Variants in DYNC2H1 observed in about 807,000 individuals in gnomAD.
The protein encoded by DYNC2H1 is dynein cytoplasmic 2 heavy chain 1, also known as cytoplasmic dynein 2 heavy chain 1.
Under a neutral mutation model 570.0 loss-of-function variants are expected in DYNC2H1, and 410 were observed. The observed-to-expected ratio is 0.72, with a 90% CI of 0.66 to 0.78. The LOEUF is 0.78. DYNC2H1 is among the 30% of genes least tolerant of loss of function. The pLI is 0.00. For synonymous variants in DYNC2H1, 1,688 were observed against 1,677.6 expected (o/e 1.01, Z -0.15); for missense variants, 4,865 against 5,046.4 (o/e 0.96, Z 1.09).
At chr11:103,191,990 G>T in intron 46 of DYNC2H1, 107 bp from the exon 47 acceptor site, 1 of 868,382 alleles carries the variant, frequency 1.2e-6, no homozygotes, top group African/African-American at 1.7e-5. Context: ...TTTATCTGAT[G>T]CCAAAATTAT....
At chr11:103,195,107 C>T (rs1049838952) in intron 47 of DYNC2H1, among the ~76,000 whole-genome samples, 1 of 152,160 alleles carries the variant, frequency 6.6e-6, no homozygotes, top group Non-Finnish European at 1.5e-5. Context: ...TATATTCTCC[C>T]TCTCAGTAGG....
At chr11:103,390,496 C>A (rs1005320074) in intron 83 of DYNC2H1, among the ~76,000 whole-genome samples, 11 of 152,104 alleles carry the variant, frequency 7.2e-5, no homozygotes, top group Non-Finnish European at 1.5e-4. Flanking sequence ...AGCCCATTTA[C>A]ATTTAAGGTT....
chr11:103,210,756 A>G (rs184733035), intron 53 of DYNC2H1, among the ~76,000 whole-genome samples: 52 of 152,174 alleles, frequency 3.4e-4, no homozygotes, highest in African/African-American at 1.2e-3. Flanking sequence ...CAGGCATCTT[A>G]TGAAACTATA....
At position 103,244,819 on chromosome 11, in the gene DYNC2H1, T is replaced by C. The variant is rs1864549901; in HGVS notation, c.9919-432T>C. ...ATATATAGTCATAGTTATAGACATA[T>C]AAGTAACTATATAGTTACTTTTATA... On this transcript the variant is annotated intron_variant, in intron 64 of 88. Transcript: ENST00000375735. The surrounding 1 kb of genome is among the most constrained non-coding windows in gnomAD (Gnocchi z 4.3). Among the ~76,000 whole-genome samples the C allele has an allele frequency of 6.7e-6, 1 of 150,252 alleles. No individual in the cohort carries two copies. Among genetic ancestry groups the C allele is most frequent in the Non-Finnish European group, 1.5e-5 (1 of 67,570 alleles).
rs1318062169 is a variant in DYNC2H1 at position 103,147,809 on chromosome 11, C to T, written c.2740C>T (p.Pro914Ser). Residue 914 changes from proline (P) to serine (S), a missense_variant, in exon 19 of 89, where the codon CCT (proline) becomes TCT (serine). Physicochemically the swap from Pro to Ser is moderately conservative, Grantham distance 74. This residue lies in a region of DYNC2H1 where 1,936 missense variants were observed against 1,962.1 expected (regional missense o/e 0.99). Transcript: ENST00000375735. ...AGATTGTTTAAATATTAATTGCAACCCTGTGAAGACTGTGATTGATGATCT... is the reference window on the plus strand; with the variant it reads ...AGATTGTTTAAATATTAATTGCAACTCTGTGAAGACTGTGATTGATGATCT... Reference protein sequence around the residue: ...KVDCLNINCNPVKTVIDDLIQ... With the variant: ...KVDCLNINCNSVKTVIDDLIQ... 9 of 1,610,538 alleles carry T rather than the reference C, an allele frequency of 5.6e-6. No homozygotes were observed. Among genetic ancestry groups the T allele is most frequent in the South Asian group, 4.4e-5 (4 of 90,326 alleles).
chr11:103,231,860 C>G (rs12270531), intron 60 of DYNC2H1, among the ~76,000 whole-genome samples: 26,778 of 151,694 alleles, frequency 0.18, 3,010 homozygotes, highest in African/African-American at 0.32. Flanking sequence ...TTTTCTCTCT[C>G]TGTGTGTGTG....
At chr11:103,292,735 C>T (rs1161530482) in intron 75 of DYNC2H1, among the ~76,000 whole-genome samples, 1 of 152,160 alleles carries the variant, frequency 6.6e-6, no homozygotes, top group African/African-American at 2.4e-5. Flanking sequence ...CTCTCTTGCT[C>T]CTCCTTTTGC....
At chr11:103,214,947 G>A (rs1034205542) in intron 54 of DYNC2H1, among the ~76,000 whole-genome samples, 14 of 150,820 alleles carry the variant, frequency 9.3e-5, no homozygotes, top group Admixed American at 3.3e-4. Flanking sequence ...TTTCTTTTTC[G>A]GTGAGTTCAT....
chr11:103,132,331 C>A (rs1859321528), intron 13 of DYNC2H1, among the ~76,000 whole-genome samples: 1 of 151,970 alleles, frequency 6.6e-6, no homozygotes, highest in Non-Finnish European at 1.5e-5. Context: ...TCTATATATT[C>A]CACCTCATTT....
intron 82 of DYNC2H1, among the ~76,000 whole-genome samples, chr11:103,335,335 A>G (rs2135470971): frequency 6.6e-6 from 1 of 152,182 alleles, no homozygotes; most frequent in South Asian, 2.1e-4. Context: ...AAGTTTTTAC[A>G]TAACAGAGCT....
chr11:103,351,186 T>A (rs1428818964), intron 82 of DYNC2H1, among the ~76,000 whole-genome samples: 11 of 152,150 alleles, frequency 7.2e-5, no homozygotes, highest in Non-Finnish European at 1.3e-4. Context: ...GTTCAAAATG[T>A]CCTTACTCAT....
intron 31 of DYNC2H1, among the ~76,000 whole-genome samples, chr11:103,167,169 C>A (rs963117139): frequency 7.3e-5 from 11 of 151,190 alleles, no homozygotes; most frequent in African/African-American, 2.4e-4. Flanking sequence ...TTTTTTATTC[C>A]TTTGCTGAGA....
At chr11:103,118,190 CAGT>C (rs1244469868) in intron 6 of DYNC2H1, among the ~76,000 whole-genome samples, 1 of 151,972 alleles carries the variant, frequency 6.6e-6, no homozygotes, top group Non-Finnish European at 1.5e-5. Flanking sequence ...AAGTGGTATT[CAGT>C]GGAAATATTT....
chr11:103,159,916 T>TAC lies in DYNC2H1; in HGVS notation c.4378+890_4378+891dup, dbSNP rs1392873816. 4.6e-5 allele frequency among the ~76,000 whole-genome samples: 7 copies of TAC among 152,274 alleles called. No homozygotes were observed. The East Asian group carries it at 1.4e-3, about 29-fold the overall frequency. On this transcript the variant is annotated intron_variant, in intron 28 of 88. Transcript: ENST00000375735. ...ACGGTAGTTTATGTATTGTTGTCTA[T>TAC]ACCTTTCATGCTATGAATGCAGAGT...
intron 83 of DYNC2H1, among the ~76,000 whole-genome samples, chr11:103,360,833 G>A (rs1213385635): frequency 6.6e-6 from 1 of 152,116 alleles, no homozygotes; most frequent in East Asian, 1.9e-4. Context: ...ACAAATTATT[G>A]CAGATGCTGT....
intron 70 of DYNC2H1, among the ~76,000 whole-genome samples, chr11:103,276,189 A>G (rs747646863): frequency 6.9e-5 from 7 of 101,574 alleles, no homozygotes; most frequent in Non-Finnish European, 1.1e-4. Flanking sequence ...ATTGAGTACT[A>G]CACACACACA....
intron 83 of DYNC2H1, among the ~76,000 whole-genome samples, chr11:103,385,503 A>AC (rs1345662556): frequency 6.6e-6 from 1 of 152,120 alleles, no homozygotes; most frequent in Non-Finnish European, 1.5e-5. Flanking sequence ...CTCTTCATCT[A>AC]CCATAGAATT....
chr11:103,301,779 A>T (rs796158302), intron 75 of DYNC2H1, among the ~76,000 whole-genome samples: 7 of 152,038 alleles, frequency 4.6e-5, no homozygotes, highest in African/African-American at 1.7e-4. Context: ...TTGACCCATC[A>T]TGATAACACA....
chr11:103,291,581 A>G (rs313383), intron 75 of DYNC2H1, among the ~76,000 whole-genome samples: 10,113 of 152,242 alleles, frequency 0.066, 493 homozygotes, highest in East Asian at 0.22. Flanking sequence ...TATTTGGTCT[A>G]TAGTACAGAT....
Sources: gnomAD v4.1 joint callset for allele counts (sites outside exome capture counted in the v4.1 genomes callset) on GRCh38, gnomAD v4.1.1 for gene constraint, gnomAD v4.1.1 regional missense constraint, Gnocchi (gnomAD v3.1) non-coding constraint, MANE v1.5 for transcripts, NCBI Gene and HGNC (gene_info 2026-07-23, HGNC 2026-07-21) for gene names.